Variants in GRB10 observed in about 807,000 individuals in gnomAD.
GRB10 encodes growth factor receptor-bound protein 10.
A neutral mutation model predicts 80.9 loss-of-function variants in GRB10; 20 were observed. The ratio of observed to expected loss-of-function variants is 0.25; its 90% CI spans 0.17 to 0.36. The LOEUF is 0.36. Among genes scored for constraint, GRB10 ranks in the 10% least tolerant of loss-of-function variants. GRB10 has a pLI of 1.00. For missense variants in GRB10, 548 were observed against 747.7 expected (o/e 0.73, Z 3.12); for synonymous variants, 291 against 291.5 (o/e 1.00, Z 0.02).
chr7:50,699,472 T>A (rs1359522201), intron 5 of GRB10, among the ~76,000 whole-genome samples: 1 of 152,250 alleles, frequency 6.6e-6, no homozygotes, highest in Non-Finnish European at 1.5e-5. Context: ...TGTATTATAA[T>A]GAGTGAAGAG....
At chr7:50,692,375 T>C (rs1351861849) in intron 5 of GRB10, among the ~76,000 whole-genome samples, 2 of 152,084 alleles carry the variant, frequency 1.3e-5, no homozygotes, top group African/African-American at 2.4e-5. Context: ...AAAGATGAAC[T>C]AGATAAGAGG....
chr7:50,599,851 C>T (rs766803461), intron 17 of GRB10, among the ~76,000 whole-genome samples: 4 of 152,226 alleles, frequency 2.6e-5, no homozygotes, highest in Admixed American at 6.5e-5. Flanking sequence ...CCACCCCACC[C>T]CAAGGCAGCC....
intron 2 of GRB10, among the ~76,000 whole-genome samples, chr7:50,772,006 T>C (rs1174798461): frequency 6.6e-6 from 1 of 152,208 alleles, no homozygotes; most frequent in Non-Finnish European, 1.5e-5. Context: ...CTCACTTGAA[T>C]GGCACATGTG....
At chr7:50,620,220 C>T (rs559791152) in intron 8 of GRB10, among the ~76,000 whole-genome samples, 1 of 152,300 alleles carries the variant, frequency 6.6e-6, no homozygotes, top group East Asian at 1.9e-4. Context: ...AACAAATGTA[C>T]AGCAGGGTCA....
intron 15 of GRB10, 105 bp downstream of exon 15, chr7:50,605,185 C>A (rs1563128166): frequency 4.8e-6 from 4 of 826,818 alleles, no homozygotes; most frequent in Non-Finnish European, 8.0e-6. Flanking sequence ...CAACATGGCA[C>A]CCCTCTTGCC....
At chr7:50,648,040 G>A (rs547614025) in intron 7 of GRB10, among the ~76,000 whole-genome samples, 10 of 152,270 alleles carry the variant, frequency 6.6e-5, no homozygotes, top group Non-Finnish European at 1.2e-4. Flanking sequence ...AGGAGTCTGG[G>A]CCTTGAGGAA....
chr7:50,696,690 A>G (rs1217945725), intron 5 of GRB10, among the ~76,000 whole-genome samples: 1 of 152,252 alleles, frequency 6.6e-6, no homozygotes, highest in Non-Finnish European at 1.5e-5. Flanking sequence ...CAACAATCAG[A>G]CAAAATTTGC....
At chr7:50,645,725 C>G in intron 7 of GRB10, 1 of 572,144 alleles carries the variant, frequency 1.7e-6, no homozygotes, top group Non-Finnish European at 2.2e-6. Flanking sequence ...CAGTAAACAT[C>G]GTCTAGAGTT....
intron 7 of GRB10, among the ~76,000 whole-genome samples, chr7:50,649,499 G>A (rs911044408): frequency 6.6e-6 from 1 of 152,226 alleles, no homozygotes. Flanking sequence ...ACACAGTGAC[G>A]ACACACACGG....
intron 2 of GRB10, among the ~76,000 whole-genome samples, chr7:50,764,429 G>A (rs1475317653): frequency 6.6e-6 from 1 of 152,184 alleles, no homozygotes; most frequent in Non-Finnish European, 1.5e-5. Flanking sequence ...TTAGCACAGG[G>A]CCAAGTGGCT....
intron 5 of GRB10, among the ~76,000 whole-genome samples, chr7:50,675,728 GTCTC>G (rs1554549755): frequency 6.6e-6 from 1 of 151,980 alleles, no homozygotes; most frequent in Non-Finnish European, 1.5e-5. Flanking sequence ...AAACACATGT[GTCTC>G]TCTCTGTATA....
At chr7:50,639,228 C>T (rs1310587544) in intron 7 of GRB10, among the ~76,000 whole-genome samples, 1 of 152,156 alleles carries the variant, frequency 6.6e-6, no homozygotes, top group Non-Finnish European at 1.5e-5. Context: ...TGCACATACA[C>T]CCCCGAGTCT....
At chr7:50,602,119 C>T (rs2047713268) in intron 17 of GRB10, among the ~76,000 whole-genome samples, 2 of 146,998 alleles carry the variant, frequency 1.4e-5, no homozygotes, top group African/African-American at 4.8e-5. Context: ...AACACAAACT[C>T]GTTCTAAAAA....
intron 5 of GRB10, among the ~76,000 whole-genome samples, chr7:50,690,316 CAAACAAAA>C (rs1388541982): frequency 2.5e-3 from 130 of 52,264 alleles, no homozygotes; most frequent in Middle Eastern, 0.019. Context: ...AACAAACAAA[CAAACAAAA>C]AAAACAGAAA....
intron 10 of GRB10, 143 bp downstream of exon 10, chr7:50,617,928 A>T (rs2240498): frequency 0.29 from 219,302 of 757,580 alleles, 33,287 homozygotes; most frequent in East Asian, 0.45. Flanking sequence ...CCCTCCCCCC[A>T]ACCACCCCTC....
intron 9 of GRB10, 98 bp from the exon 10 acceptor site, chr7:50,618,237 G>GTATAATTA (rs1278847329): frequency 3.0e-5 from 27 of 886,630 alleles, no homozygotes; most frequent in Non-Finnish European, 4.2e-5. Context: ...ATTCCTACCA[G>GTATAATTA]TATAATTACA....
At chr7:50,633,435 A>T (rs778334785) in intron 7 of GRB10, among the ~76,000 whole-genome samples, 1 of 152,190 alleles carries the variant, frequency 6.6e-6, no homozygotes, top group Non-Finnish European at 1.5e-5. Flanking sequence ...AAATGAAAGT[A>T]AATTCAAAAA....
At chr7:50,594,835 T>A (rs531725934) in intron 18 of GRB10, among the ~76,000 whole-genome samples, 1 of 152,300 alleles carries the variant, frequency 6.6e-6, no homozygotes, top group Non-Finnish European at 1.5e-5. Context: ...GTAATGAAGT[T>A]TTTGGAATTG....
chr7:50,733,083 TA>T (rs2070163405), intron 3 of GRB10, among the ~76,000 whole-genome samples: 1 of 152,192 alleles, frequency 6.6e-6, no homozygotes, highest in Admixed American at 6.5e-5. Flanking sequence ...GGAGGGTCTT[TA>T]AACACGTCAC....
Sources: gnomAD v4.1 joint callset for allele counts (sites outside exome capture counted in the v4.1 genomes callset) on GRCh38, gnomAD v4.1.1 for gene constraint, MANE v1.5 for transcripts, NCBI Gene and HGNC (gene_info 2026-07-23, HGNC 2026-07-21) for gene names.